NR6A1: variants seen among roughly 807,000 people sequenced by gnomAD.
NR6A1 encodes the protein retinoic acid receptor-related testis-associated receptor.
Under a neutral mutation model 59.1 loss-of-function variants are expected in NR6A1, and 7 were observed. The observed-to-expected ratio is 0.12, with a 90% CI of 0.07 to 0.22. The LOEUF is 0.22. NR6A1 is among the 10% of genes least tolerant of loss of function. NR6A1 has a pLI of 1.00. For missense variants in NR6A1, 468 were observed against 611.6 expected (o/e 0.77, Z 2.48); for synonymous variants, 243 against 236.1 (o/e 1.03, Z -0.27).
intron 1 of NR6A1, among the ~76,000 whole-genome samples, chr9:124,738,553 G>A (rs569124488): frequency 6.6e-6 from 1 of 152,274 alleles, no homozygotes; most frequent in East Asian, 1.9e-4. Flanking sequence ...AGTTTAACTA[G>A]GAAGATAAAT....
intron 2 of NR6A1, among the ~76,000 whole-genome samples, chr9:124,679,850 T>C (rs1838080944): frequency 6.9e-6 from 1 of 145,004 alleles, no homozygotes; most frequent in Non-Finnish European, 1.5e-5. Flanking sequence ...TGAACCAAGC[T>C]CATACCACTG....
intron 2 of NR6A1, among the ~76,000 whole-genome samples, chr9:124,571,193 C>T (rs1390156412): frequency 6.6e-6 from 1 of 152,066 alleles, no homozygotes; most frequent in African/African-American, 2.4e-5. Flanking sequence ...AGAATTTCAG[C>T]CAGAGGGAAG....
At chr9:124,764,092 G>A (rs1057469535) in intron 1 of NR6A1, among the ~76,000 whole-genome samples, 1 of 151,724 alleles carries the variant, frequency 6.6e-6, no homozygotes, top group African/African-American at 2.4e-5. Flanking sequence ...GCTGAGGCAG[G>A]AGAATCGCTT....
chr9:124,664,486 A>G (rs924447826), intron 2 of NR6A1, among the ~76,000 whole-genome samples: 1 of 152,250 alleles, frequency 6.6e-6, no homozygotes, highest in African/African-American at 2.4e-5. Context: ...GACAGCACTT[A>G]AAGGTAAGAA....
chr9:124,605,658 A>G (rs1312188607), intron 2 of NR6A1, among the ~76,000 whole-genome samples: 1 of 152,238 alleles, frequency 6.6e-6, no homozygotes, highest in Non-Finnish European at 1.5e-5. Flanking sequence ...ATACTGGAAT[A>G]TTAACAAATG....
At chr9:124,721,055 G>A (rs1839549428) in intron 2 of NR6A1, among the ~76,000 whole-genome samples, 1 of 152,130 alleles carries the variant, frequency 6.6e-6, no homozygotes, top group South Asian at 2.1e-4. Context: ...CCCATGGAAA[G>A]AACAACTGCA....
chr9:124,576,608 C>A (rs929017681), intron 2 of NR6A1, among the ~76,000 whole-genome samples: 2 of 152,100 alleles, frequency 1.3e-5, no homozygotes, highest in African/African-American at 4.8e-5. Flanking sequence ...GCTTTGTATC[C>A]CAGTTAGTCA....
At chr9:124,590,042 T>C (rs950282708) in intron 2 of NR6A1, among the ~76,000 whole-genome samples, 2 of 108,462 alleles carry the variant, frequency 1.8e-5, no homozygotes, top group African/African-American at 7.3e-5. Flanking sequence ...TCCAGCCTGG[T>C]GACAGAGCAA....
At chr9:124,611,189 T>A (rs1437323911) in intron 2 of NR6A1, among the ~76,000 whole-genome samples, 2 of 151,242 alleles carry the variant, frequency 1.3e-5, no homozygotes, top group African/African-American at 2.4e-5. Flanking sequence ...AAAAACAAAA[T>A]TGGGATCAGG....
At chr9:124,649,592 G>A (rs932096471) in intron 2 of NR6A1, among the ~76,000 whole-genome samples, 1 of 152,046 alleles carries the variant, frequency 6.6e-6, no homozygotes, top group African/African-American at 2.4e-5. Flanking sequence ...AACAAAAGCA[G>A]AAATTGACAA....
intron 7 of NR6A1, among the ~76,000 whole-genome samples, chr9:124,534,820 AAAG>A (rs1324355375): frequency 6.6e-6 from 1 of 152,190 alleles, no homozygotes; most frequent in African/African-American, 2.4e-5. Flanking sequence ...TGCGAGAAAG[AAAG>A]AAGACAATTA....
At chr9:124,569,219 T>G (rs1319431615) in intron 2 of NR6A1, among the ~76,000 whole-genome samples, 1 of 152,198 alleles carries the variant, frequency 6.6e-6, no homozygotes, top group Non-Finnish European at 1.5e-5. Context: ...GAGAACTACG[T>G]GCAATCTATC....
chr9:124,745,847 G>T, intron 1 of NR6A1, among the ~76,000 whole-genome samples: 1 of 150,756 alleles, frequency 6.6e-6, no homozygotes, highest in Non-Finnish European at 1.5e-5. Context: ...CAGGCATGGT[G>T]GTGCATGCCT....
intron 1 of NR6A1, among the ~76,000 whole-genome samples, chr9:124,734,508 C>G (rs1488673116): frequency 1.3e-5 from 2 of 152,172 alleles, no homozygotes; most frequent in African/African-American, 4.8e-5. Flanking sequence ...GCCTGGCCAA[C>G]AGGGTGAAAC....
At chr9:124,643,575 C>T (rs928173617) in intron 2 of NR6A1, among the ~76,000 whole-genome samples, 1 of 149,990 alleles carries the variant, frequency 6.7e-6, no homozygotes, top group Non-Finnish European at 1.5e-5. Context: ...GCATGCTAGC[C>T]TGGCAACAGA....
intron 4 of NR6A1, 141 bp downstream of exon 4, chr9:124,543,661 A>C (rs1235774902): frequency 1.2e-5 from 7 of 575,960 alleles, no homozygotes; most frequent in Non-Finnish European, 2.1e-5. Flanking sequence ...CACATCCAGG[A>C]TGTAAAAGCA....
chr9:124,552,236 G>C (rs1405106738), intron 3 of NR6A1, among the ~76,000 whole-genome samples: 1 of 152,204 alleles, frequency 6.6e-6, no homozygotes, highest in African/African-American at 2.4e-5. Context: ...GATGAGAGAA[G>C]TGGAGGCCAA....
chr9:124,584,919 C>T (rs961892170), intron 2 of NR6A1, among the ~76,000 whole-genome samples: 1 of 152,170 alleles, frequency 6.6e-6, no homozygotes, highest in South Asian at 2.1e-4. Context: ...CTCCAAAGAG[C>T]CAAGCTGTGA....
At chr9:124,610,440 G>C (rs897141689) in intron 2 of NR6A1, among the ~76,000 whole-genome samples, 1 of 152,088 alleles carries the variant, frequency 6.6e-6, no homozygotes. Context: ...TTGCATCCTG[G>C]GGATGAAGCC....
Sources: allele counts gnomAD v4.1 joint callset (sites outside exome capture counted in the v4.1 genomes callset), GRCh38; gene constraint gnomAD v4.1.1; transcripts MANE v1.5; gene names NCBI Gene and HGNC (gene_info 2026-07-23, HGNC 2026-07-21).